Variants in JPH1 observed in about 807,000 individuals in gnomAD.
JPH1 encodes the protein junctophilin 1, also known as junctophilin-1.
In JPH1, 12 loss-of-function variants were observed where a neutral mutation model predicts 53.6. The ratio of observed to expected loss-of-function variants is 0.22; its 90% CI spans 0.14 to 0.36. JPH1 has a LOEUF of 0.36. JPH1 is among the 10% of genes least tolerant of loss of function. JPH1 has a pLI of 1.00. For missense variants in JPH1, 808 were observed against 905.5 expected (o/e 0.89, Z 1.38); for synonymous variants, 375 against 363.8 (o/e 1.03, Z -0.35).
rs1414240581 is a variant in JPH1, at chr8:74,315,103, G to C, written c.897C>G (p.Ser299=). ...ACTCCCCTTCATACTTCATGCCATTGGAGCGCTCGCTAACGCCGAAGCCGT... is the reference window on the plus strand; with the variant it reads ...ACTCCCCTTCATACTTCATGCCATTCGAGCGCTCGCTAACGCCGAAGCCGT... The part of the protein sequence containing the change: ...KRNGFGVSER[S]NGMKYEGEWA... Residue 299 remains serine, a synonymous_variant, in exon 2 of 6, where the codon TCC becomes TCG. Coordinates refer to ENST00000342232, the MANE Select transcript of JPH1 (RefSeq NM_020647.4). This position sits in a 1 kb window ranked among gnomAD's most constrained non-coding sequence, Gnocchi z 6.3. 1 of 1,614,080 alleles carries C rather than the reference G, an allele frequency of 6.2e-7. No homozygotes were observed. Among genetic ancestry groups the C allele is most frequent in the African/African-American group, 1.3e-5 (1 of 74,920 alleles).
chr8:74,316,242 T>C lies in JPH1; in HGVS notation c.380-622A>G, dbSNP rs147713834. Among the ~76,000 whole-genome samples, 29 of 152,288 alleles carry C rather than the reference T, an allele frequency of 1.9e-4. 1 individual carries two copies. In the East Asian group the frequency reaches 5.2e-3, roughly 27 times the overall value. On this transcript the variant is annotated intron_variant, in intron 1 of 5. Coordinates refer to ENST00000342232, the MANE Select transcript of JPH1 (RefSeq NM_020647.4). ...TGAATTTGGGTGAACCTTTTTGAGCTAAGAGAGAATCGACAACCACAATAT... is the reference window on the plus strand; with the variant it reads ...TGAATTTGGGTGAACCTTTTTGAGCCAAGAGAGAATCGACAACCACAATAT...
At chr8:74,317,948 G>C (rs1468963772) in intron 1 of JPH1, among the ~76,000 whole-genome samples, 1 of 152,072 alleles carries the variant, frequency 6.6e-6, no homozygotes, top group East Asian at 1.9e-4. Flanking sequence ...GTCAAATAGG[G>C]AAGGGGGGGA....
At chr8:74,270,060 A>C (rs1421750443) in intron 2 of JPH1, among the ~76,000 whole-genome samples, 1 of 152,118 alleles carries the variant, frequency 6.6e-6, no homozygotes, top group Non-Finnish European at 1.5e-5. Flanking sequence ...CCTATTGAAA[A>C]ATGCACATTT....
intron 2 of JPH1, among the ~76,000 whole-genome samples, chr8:74,300,250 C>T (rs183107449): frequency 6.6e-6 from 1 of 152,172 alleles, no homozygotes; most frequent in South Asian, 2.1e-4. Flanking sequence ...AGAAGACTAG[C>T]CATTTTGACG....
chr8:74,285,621 T>C (rs1462328271), intron 2 of JPH1, among the ~76,000 whole-genome samples: 1 of 141,006 alleles, frequency 7.1e-6, no homozygotes, highest in Non-Finnish European at 1.6e-5. Flanking sequence ...GATTCTTCTT[T>C]ATCCCACCTA....
chr8:74,291,599 C>G (rs1052799073), intron 2 of JPH1, among the ~76,000 whole-genome samples: 9 of 152,178 alleles, frequency 5.9e-5, no homozygotes, highest in African/African-American at 2.2e-4. Flanking sequence ...ACTAGAAATA[C>G]CATTTGACCC....
chr8:74,263,128 G>A (rs1452889203), intron 2 of JPH1, among the ~76,000 whole-genome samples: 1 of 152,226 alleles, frequency 6.6e-6, no homozygotes, highest in South Asian at 2.1e-4. Flanking sequence ...AGGTACACGT[G>A]GGTCCCTGAG....
At chr8:74,267,723 G>A (rs2131402463) in intron 2 of JPH1, among the ~76,000 whole-genome samples, 1 of 152,278 alleles carries the variant, frequency 6.6e-6, no homozygotes, top group Non-Finnish European at 1.5e-5. Context: ...AATCTGGATA[G>A]TAACCAGAAG....
At chr8:74,238,894 G>T (rs944553759) in intron 4 of JPH1, among the ~76,000 whole-genome samples, 6 of 152,192 alleles carry the variant, frequency 3.9e-5, no homozygotes, top group Middle Eastern at 3.2e-3. Flanking sequence ...CTGGCCTTAA[G>T]CGATCCTGCC....
chr8:74,287,069 A>G (rs1405665318), intron 2 of JPH1, among the ~76,000 whole-genome samples: 3 of 152,228 alleles, frequency 2.0e-5, no homozygotes, highest in Admixed American at 6.5e-5. Flanking sequence ...TGAAACAGCC[A>G]CTTGTGGTGG....
rs199614841 is a variant in JPH1 at position 74,259,458 on chromosome 8, C to G, written c.1185G>C (p.Ala395=). ...RAKADAADQA[A]LAARQECDIA... is the part of the protein sequence containing the mutation. ...TGTCGCACTCCTGGCGAGCGGCCAGCGCGGCCTGGTCGGCGGCATCGGCCT... is the reference window on the plus strand; with the variant it reads ...TGTCGCACTCCTGGCGAGCGGCCAGGGCGGCCTGGTCGGCGGCATCGGCCT... The change falls in exon 3 of 6, where the codon GCG becomes GCC. Residue 395 remains alanine, a synonymous_variant. Coordinates refer to ENST00000342232, the MANE Select transcript of JPH1 (RefSeq NM_020647.4). 6.2e-7 allele frequency: 1 copy of G among 1,612,974 alleles called. No individual in the cohort carries two copies.
At chr8:74,280,106 A>G (rs569120129) in intron 2 of JPH1, among the ~76,000 whole-genome samples, 1 of 152,220 alleles carries the variant, frequency 6.6e-6, no homozygotes, top group Non-Finnish European at 1.5e-5. Flanking sequence ...ATAATGGACT[A>G]TGCACAGCAA....
chr8:74,320,763 G>T lies in JPH1; in HGVS notation c.379+146C>A. On this transcript the variant is annotated intron_variant, in intron 1 of 5. Coordinates refer to ENST00000342232, the MANE Select transcript of JPH1 (RefSeq NM_020647.4). The surrounding 1 kb of genome is among the most constrained non-coding windows in gnomAD (Gnocchi z 4.4). Reference sequence around the variant, plus strand: ...AGCGCCCTCTCTGGGAAAGGCGGGCGCGGGCGCGGGGGTGGGAGGCGCCCC... The same window carrying T: ...AGCGCCCTCTCTGGGAAAGGCGGGCTCGGGCGCGGGGGTGGGAGGCGCCCC... 2.1e-6 allele frequency: 2 copies of T among 972,538 alleles called. No homozygotes were observed. The highest frequency in any genetic ancestry group is 1.7e-5 in the African/African-American group (1 of 57,740). The allele number at this position is 972,538 out of a possible 1,614,324, so 60.2% of individuals were successfully genotyped here.
intron 3 of JPH1, among the ~76,000 whole-genome samples, chr8:74,249,221 C>A (rs1329031331): frequency 6.6e-6 from 1 of 152,068 alleles, no homozygotes; most frequent in Non-Finnish European, 1.5e-5. Context: ...CATAAAGATT[C>A]CCCAAAACAA....
At chr8:74,267,402 G>A (rs2977046) in intron 2 of JPH1, among the ~76,000 whole-genome samples, 7 of 152,026 alleles carry the variant, frequency 4.6e-5, no homozygotes, top group Admixed American at 4.6e-4. Context: ...TCTTGTTCTT[G>A]CATAAATCCT....
At chr8:74,318,000 C>T (rs1398254659) in intron 1 of JPH1, among the ~76,000 whole-genome samples, 1 of 152,154 alleles carries the variant, frequency 6.6e-6, no homozygotes, top group East Asian at 1.9e-4. Context: ...TGTTAAATCA[C>T]AGTATATGAA....
At chr8:74,265,179 T>A (rs1806496773) in intron 2 of JPH1, among the ~76,000 whole-genome samples, 1 of 152,164 alleles carries the variant, frequency 6.6e-6, no homozygotes, top group South Asian at 2.1e-4. Flanking sequence ...TAATACTAAG[T>A]TTTCTGAACT....
At chr8:74,251,920 T>C (rs1806075245) in intron 3 of JPH1, among the ~76,000 whole-genome samples, 1 of 152,116 alleles carries the variant, frequency 6.6e-6, no homozygotes, top group Non-Finnish European at 1.5e-5. Context: ...GACTTCAAAC[T>C]ATACTACAAG....
Position 74,321,424 on chromosome 8 carries a change from G to A in JPH1, c.-137C>T, listed in dbSNP as rs543082209. 1.2e-5 allele frequency: 10 copies of A among 811,218 alleles called. No individual in the cohort carries two copies. Among genetic ancestry groups the A allele is most frequent in the Non-Finnish European group, 1.6e-5 (9 of 576,586 alleles). The allele number at this position is 811,218 out of a possible 1,614,324, so 50.3% of individuals were successfully genotyped here. A position where few individuals can be genotyped will look rare whatever the true frequency, so the allele number is the denominator to read the frequency against. On this transcript the variant is annotated 5_prime_UTR_variant, in exon 1 of 6. Coordinates refer to ENST00000342232, the MANE Select transcript of JPH1 (RefSeq NM_020647.4). The surrounding 1 kb of genome is among the most constrained non-coding windows in gnomAD (Gnocchi z 4.3). ...CCTGGGCAGCTCGCGCTGCCGCTCG[G>A]CTCCAGTCCGACGCCGCCCCCGTCC... is the stretch of plus-strand genomic sequence containing the variant.
Sources: gnomAD v4.1 joint callset for allele counts (sites outside exome capture counted in the v4.1 genomes callset) on GRCh38, gnomAD v4.1.1 for gene constraint, Gnocchi (gnomAD v3.1) non-coding constraint, MANE v1.5 for transcripts, NCBI Gene and HGNC (gene_info 2026-07-23, HGNC 2026-07-21) for gene names.